L2HGDH: variants seen among roughly 807,000 people sequenced by gnomAD.
L2HGDH encodes the protein L-2-hydroxyglutarate dehydrogenase, mitochondrial.
L2HGDH carries 34 observed loss-of-function variants against 51.5 expected under a neutral mutation model. The ratio of observed to expected loss-of-function variants is 0.66; its 90% CI spans 0.50 to 0.88. The LOEUF (loss-of-function observed/expected upper bound fraction) is 0.88, where lower values mean the gene tolerates loss of function less well. Ranked by LOEUF, L2HGDH falls within the 40% of genes least tolerant of loss-of-function variation. L2HGDH has a pLI of 0.00. For synonymous variants in L2HGDH, 198 were observed against 197.9 expected (o/e 1.00, Z -0.01); for missense variants, 558 against 571.9 (o/e 0.98, Z 0.25).
rs1194371264 is a variant in L2HGDH at position 50,243,394 on chromosome 14, G to C, written c.*3664C>G. 5.1e-6 allele frequency: 5 copies of C among 981,128 alleles called. No individual in the cohort carries two copies. The highest frequency in any genetic ancestry group is 1.8e-5 in the African/African-American group (1 of 57,020). The allele number at this position is 981,128 out of a possible 1,614,324, so 60.8% of individuals were successfully genotyped here. A position where few individuals can be genotyped will look rare whatever the true frequency, so the allele number is the denominator to read the frequency against. On this transcript the variant is annotated 3_prime_UTR_variant, in exon 10 of 10. Coordinates refer to ENST00000267436, the MANE Select transcript of L2HGDH (RefSeq NM_024884.3). Reference sequence around the variant, plus strand: ...AAAGGTTGGCTGCTATCTATCTAAAGCAAACAGTTTATGTTTTACACATAA... The same window carrying C: ...AAAGGTTGGCTGCTATCTATCTAAACCAAACAGTTTATGTTTTACACATAA...
chr14:50,244,183 C>T lies in L2HGDH; in HGVS notation c.*2875G>A, dbSNP rs1006259498. ...TTTATAGCAGCATGATTTATAGTCCCTTGGGTATATACCCAGTAATGGGAT... is the reference window on the plus strand; with the variant it reads ...TTTATAGCAGCATGATTTATAGTCCTTTGGGTATATACCCAGTAATGGGAT... On this transcript the variant is annotated 3_prime_UTR_variant, in exon 10 of 10. Transcript: ENST00000267436. 17 of 155,384 alleles carry T rather than the reference C, an allele frequency of 1.1e-4. No individual in the cohort carries two copies. The South Asian group carries it at 3.3e-3, about 30-fold the overall frequency. 9.6% of individuals were successfully genotyped at this position (155,384 alleles called of 1,614,324 possible).
intron 3 of L2HGDH, among the ~76,000 whole-genome samples, chr14:50,296,588 C>A: frequency 7.2e-6 from 1 of 139,678 alleles, no homozygotes. Context: ...GAAAACTTCC[C>A]ACATTAAAAA....
chr14:50,280,610 G>A (rs772458881), intron 5 of L2HGDH, among the ~76,000 whole-genome samples: 7 of 152,072 alleles, frequency 4.6e-5, no homozygotes, highest in African/African-American at 7.2e-5. Context: ...TAGTTATACC[G>A]GTAAGCTGTA....
At chr14:50,311,065 G>C (rs1418493377) in intron 1 of L2HGDH, among the ~76,000 whole-genome samples, 1 of 151,064 alleles carries the variant, frequency 6.6e-6, no homozygotes, top group South Asian at 2.1e-4. Context: ...TAAGGCTCCG[G>C]AGTAGTTGGG....
chr14:50,283,026 TAA>T (rs566436202), intron 5 of L2HGDH, among the ~76,000 whole-genome samples: 1 of 143,582 alleles, frequency 7.0e-6, no homozygotes, highest in Non-Finnish European at 1.5e-5. Context: ...AAATTAAAAT[TAA>T]AAAAAAAAAG....
chr14:50,299,485 A>G (rs892520086), intron 3 of L2HGDH, among the ~76,000 whole-genome samples: 2 of 152,244 alleles, frequency 1.3e-5, no homozygotes, highest in African/African-American at 2.4e-5. Flanking sequence ...GGCTGGTATT[A>G]CCCTGATACC....
At position 50,302,905 on chromosome 14, in the gene L2HGDH, A is replaced by T; in HGVS notation, c.253T>A (p.Leu85Ile). Residue 85 changes from leucine to isoleucine, a missense_variant, in exon 2 of 10, where the codon TTA becomes ATA. Leu to Ile is a conservative substitution (Grantham distance 5). This residue lies in a region of L2HGDH where 194 missense variants were observed against 187.2 expected (regional missense o/e 1.04). Coordinates refer to ENST00000267436, the MANE Select transcript of L2HGDH (RefSeq NM_024884.3). ...ACAACATTGATTATATACATACCTA[A>T]ATCTTTCTCCTTTTCCAGAACACCA... is the stretch of plus-strand genomic sequence containing the variant. ...SIGVLEKEKDLAVHQTGHNSG... is the reference protein window; with the variant it reads ...SIGVLEKEKDIAVHQTGHNSG... 1.9e-6 allele frequency: 3 copies of T among 1,604,636 alleles called. No individual in the cohort carries two copies. The highest frequency in any genetic ancestry group is 2.6e-6 in the Non-Finnish European group (3 of 1,171,550).
intron 4 of L2HGDH, among the ~76,000 whole-genome samples, chr14:50,289,499 CT>C (rs1464679589): frequency 2.1e-4 from 32 of 152,140 alleles, no homozygotes; most frequent in African/African-American, 7.7e-4. Flanking sequence ...ATCTAATTAG[CT>C]TTATTAGAAA....
intron 9 of L2HGDH, among the ~76,000 whole-genome samples, chr14:50,251,910 A>G (rs1888374750): frequency 6.6e-6 from 1 of 152,154 alleles, no homozygotes; most frequent in Admixed American, 6.6e-5. Flanking sequence ...ATGAGCAAGA[A>G]GAAATCATAT....
chr14:50,306,339 G>A (rs1347177136), intron 1 of L2HGDH, among the ~76,000 whole-genome samples: 6 of 151,968 alleles, frequency 3.9e-5, no homozygotes, highest in Admixed American at 2.6e-4. Context: ...GTGAACCACC[G>A]TGCCCAGCTG....
chr14:50,283,273 G>A (rs1890377805), intron 5 of L2HGDH, among the ~76,000 whole-genome samples: 2 of 152,072 alleles, frequency 1.3e-5, no homozygotes, highest in South Asian at 2.1e-4. Flanking sequence ...GGGTAGGGAA[G>A]TGTTTGGAGA....
chr14:50,291,695 T>A (rs1163320397), intron 4 of L2HGDH, among the ~76,000 whole-genome samples: 1 of 152,038 alleles, frequency 6.6e-6, no homozygotes, highest in Non-Finnish European at 1.5e-5. Flanking sequence ...AAAAATACAT[T>A]TTTTTTCCTT....
chr14:50,304,598 G>A (rs567435658), intron 1 of L2HGDH, among the ~76,000 whole-genome samples: 104 of 152,338 alleles, frequency 6.8e-4, no homozygotes, highest in African/African-American at 2.4e-3. Context: ...AACTTTGGGA[G>A]GCCAAGGCGG....
At chr14:50,304,925 A>G (rs1437457371) in intron 1 of L2HGDH, among the ~76,000 whole-genome samples, 4 of 152,244 alleles carry the variant, frequency 2.6e-5, no homozygotes, top group East Asian at 1.9e-4. Flanking sequence ...CTGATAGCCA[A>G]CAAATATGGA....
intron 3 of L2HGDH, among the ~76,000 whole-genome samples, chr14:50,298,392 TA>T (rs2139203801): frequency 6.6e-6 from 1 of 152,002 alleles, no homozygotes; most frequent in African/African-American, 2.4e-5. Flanking sequence ...CTCAGCTCAC[TA>T]CAACCTCTGC....
intron 9 of L2HGDH, among the ~76,000 whole-genome samples, chr14:50,248,672 G>A (rs1053598012): frequency 3.3e-5 from 5 of 152,168 alleles, no homozygotes; most frequent in Non-Finnish European, 5.9e-5. Context: ...ATCCTGCAGG[G>A]AATCTGGACA....
At chr14:50,260,760 A>G (rs140329104) in intron 9 of L2HGDH, among the ~76,000 whole-genome samples, 73 of 152,198 alleles carry the variant, frequency 4.8e-4, no homozygotes, top group African/African-American at 1.7e-3. Context: ...ACATCTGGCA[A>G]TGTCGACATA....
At position 50,244,416 on chromosome 14, in the gene L2HGDH, T is replaced by C; in HGVS notation, c.*2642A>G. 3 of 985,408 alleles carry C rather than the reference T, an allele frequency of 3.0e-6. No homozygotes were observed. Among genetic ancestry groups the C allele is most frequent in the Non-Finnish European group, 3.6e-6 (3 of 829,898 alleles). 61.0% of individuals were successfully genotyped at this position (985,408 alleles called of 1,614,324 possible). On this transcript the variant is annotated 3_prime_UTR_variant, in exon 10 of 10. Coordinates refer to ENST00000267436, the MANE Select transcript of L2HGDH (RefSeq NM_024884.3). ...TGCTTCAATTAGGACAATCATTTTT[T>C]GTAATTCAATGTTTACAACTTAGTA...
chr14:50,293,878 T>A (rs1201931459), intron 4 of L2HGDH, among the ~76,000 whole-genome samples: 2 of 152,224 alleles, frequency 1.3e-5, no homozygotes, highest in African/African-American at 4.8e-5. Flanking sequence ...AAACATGCCA[T>A]GTGGTCTCAG....
Sources: gnomAD v4.1 joint callset for allele counts (sites outside exome capture counted in the v4.1 genomes callset) on GRCh38, gnomAD v4.1.1 for gene constraint, gnomAD v4.1.1 regional missense constraint, MANE v1.5 for transcripts, NCBI Gene and HGNC (gene_info 2026-07-23, HGNC 2026-07-21) for gene names.